FLRT2: variants seen among roughly 807,000 people sequenced by gnomAD.
The protein encoded by FLRT2 is leucine-rich repeat transmembrane protein FLRT2.
In FLRT2, 15 loss-of-function variants were observed where a neutral mutation model predicts 40.0. The observed-to-expected ratio is 0.38, with a 90% CI of 0.25 to 0.58. The LOEUF is 0.58. FLRT2 is among the 20% of genes least tolerant of loss of function. FLRT2 has a pLI of 0.71. For missense variants in FLRT2, 726 were observed against 840.0 expected, an observed-to-expected ratio of 0.86 and a Z score of 1.68; for synonymous variants, 380 against 336.8, an observed-to-expected ratio of 1.13 and a Z score of -1.41.
intron 1 of FLRT2, chr14:85,551,875 T>A (rs1889648764): frequency 6.6e-6 from 1 of 152,154 alleles, no homozygotes; most frequent in Admixed American, 6.5e-5. Flanking sequence ...CACTTCTATA[T>A]CTCCTGTGGT....
Position 85,622,201 on chromosome 14 carries a change from C to T in FLRT2, c.687C>T (p.Leu229=). ...KGIAEGTFSH[L]TKLKEFSIVR... is the part of the protein sequence containing the mutation. ...TCGCCGAGGGCACCTTCAGCCATCT[C>T]ACCAAGCTCAAGGAATTTTCAATTG... The change falls in exon 2 of 2, where the codon CTC becomes CTT. Residue 229 remains leucine, a synonymous_variant. Transcript: ENST00000330753. 1 of 1,614,168 alleles carries T rather than the reference C, an allele frequency of 6.2e-7. No homozygotes were observed. The highest frequency in any genetic ancestry group is 8.5e-7 in the Non-Finnish European group (1 of 1,180,022).
At position 85,637,499 on chromosome 14, in the gene FLRT2, T is replaced by A. The variant is rs1268806464; in HGVS notation, c.*14002T>A. 1 of 152,226 alleles carries A rather than the reference T, an allele frequency of 6.6e-6. No individual in the cohort carries two copies. The highest frequency in any genetic ancestry group is 1.5e-5 in the Non-Finnish European group (1 of 68,044). 9.4% of individuals were successfully genotyped at this position (152,226 alleles called of 1,614,324 possible). ...CTAGCACAGTGTCTAGTATATACAG[T>A]TGCTTTGTTACATTAACTCCATTCA... On this transcript the variant is annotated 3_prime_UTR_variant, in exon 2 of 2. Coordinates refer to ENST00000330753, the MANE Select transcript of FLRT2 (RefSeq NM_013231.6).
chr14:85,637,975 T>C lies in FLRT2; in HGVS notation c.*14478T>C, dbSNP rs1055427760. On this transcript the variant is annotated 3_prime_UTR_variant, in exon 2 of 2. Coordinates refer to ENST00000330753, the MANE Select transcript of FLRT2 (RefSeq NM_013231.6). ...TGCTTGAAATGCCTATCATTATCCT[T>C]ATTCTTTTGATACCAGGCATCACTA... The C allele has an allele frequency of 6.6e-6, 1 of 152,346 alleles. No homozygotes were observed. Among genetic ancestry groups the C allele is most frequent in the African/African-American group, 2.4e-5 (1 of 41,582 alleles). 9.4% of individuals were successfully genotyped at this position (152,346 alleles called of 1,614,324 possible). A position where few individuals can be genotyped will look rare whatever the true frequency, so the allele number is the denominator to read the frequency against.
Position 85,627,267 on chromosome 14 carries a change from T to C in FLRT2, c.*3770T>C, listed in dbSNP as rs1893724975. 1 of 167,020 alleles carries C rather than the reference T, an allele frequency of 6.0e-6. No homozygotes were observed. Among genetic ancestry groups the C allele is most frequent in the South Asian group, 2.1e-4 (1 of 4,820 alleles). The allele number at this position is 167,020 out of a possible 1,614,324, so 10.3% of individuals were successfully genotyped here. ...AGATACTCACACAGAACAAAACAGT[T>C]CTTGGTCTTGTTCTTGGTCTTGTCA... On this transcript the variant is annotated 3_prime_UTR_variant, in exon 2 of 2. Transcript: ENST00000330753.
chr14:85,620,266 ATGAT>A (rs1230480146), intron 1 of FLRT2, among the ~76,000 whole-genome samples: 1 of 151,934 alleles, frequency 6.6e-6, no homozygotes, highest in African/African-American at 2.4e-5. Flanking sequence ...TTTTCTTTGA[ATGAT>A]TGTTTTAAAT....
At chr14:85,541,010 G>A (rs1296211683) in intron 1 of FLRT2, among the ~76,000 whole-genome samples, 4 of 152,070 alleles carry the variant, frequency 2.6e-5, no homozygotes, top group Non-Finnish European at 5.9e-5. Flanking sequence ...TGTACTATGG[G>A]GAGGAAGTAT....
At chr14:85,607,470 G>A (rs1488495951) in intron 1 of FLRT2, among the ~76,000 whole-genome samples, 1 of 152,166 alleles carries the variant, frequency 6.6e-6, no homozygotes, top group Non-Finnish European at 1.5e-5. Flanking sequence ...ATTATTCATT[G>A]AACAGAAAAG....
intron 1 of FLRT2, among the ~76,000 whole-genome samples, chr14:85,569,504 G>C (rs573985832): frequency 6.6e-6 from 1 of 152,252 alleles, no homozygotes; most frequent in South Asian, 2.1e-4. Context: ...ACCCACACTG[G>C]ATGCATTCAA....
intron 1 of FLRT2, among the ~76,000 whole-genome samples, chr14:85,604,929 C>G (rs531739106): frequency 6.6e-6 from 1 of 151,948 alleles, no homozygotes; most frequent in South Asian, 2.1e-4. Flanking sequence ...CTGTTAGTGC[C>G]GACATGATTC....
intron 1 of FLRT2, among the ~76,000 whole-genome samples, chr14:85,602,343 G>A (rs183033281): frequency 6.6e-6 from 1 of 152,260 alleles, no homozygotes; most frequent in Admixed American, 6.5e-5. Context: ...GCTCCGACTT[G>A]GAGTTGTCAC....
chr14:85,579,392 C>T (rs1374163151), intron 1 of FLRT2, among the ~76,000 whole-genome samples: 1 of 152,118 alleles, frequency 6.6e-6, no homozygotes, highest in African/African-American at 2.4e-5. Flanking sequence ...ACAGAGTTAA[C>T]TGTGACAAGT....
chr14:85,608,426 G>A (rs1420214302), intron 1 of FLRT2, among the ~76,000 whole-genome samples: 1 of 151,924 alleles, frequency 6.6e-6, no homozygotes, highest in Non-Finnish European at 1.5e-5. Context: ...TAGAGACTGG[G>A]TTTCGCCATT....
chr14:85,608,366 A>G (rs1012341403), intron 1 of FLRT2, among the ~76,000 whole-genome samples: 25 of 151,782 alleles, frequency 1.6e-4, no homozygotes, highest in African/African-American at 5.8e-4. Flanking sequence ...AGCAGCTGGG[A>G]TTGCAAGAGC....
intron 1 of FLRT2, among the ~76,000 whole-genome samples, chr14:85,605,363 G>A (rs17121299): frequency 0.023 from 3,465 of 152,216 alleles, 138 homozygotes; most frequent in African/African-American, 0.08. Flanking sequence ...CAGATTTTAA[G>A]GCTGATAGAA....
chr14:85,594,067 C>T (rs1461901600), intron 1 of FLRT2, among the ~76,000 whole-genome samples: 2 of 148,068 alleles, frequency 1.4e-5, no homozygotes, highest in Admixed American at 6.8e-5. Flanking sequence ...CAAAACAAAA[C>T]ATATATATAT....
At position 85,626,411 on chromosome 14, in the gene FLRT2, G is replaced by T. The variant is rs939031199; in HGVS notation, c.*2914G>T. 1 of 167,084 alleles carries T rather than the reference G, an allele frequency of 6.0e-6. No homozygotes were observed. Among genetic ancestry groups the T allele is most frequent in the African/African-American group, 2.4e-5 (1 of 41,454 alleles). The allele number at this position is 167,084 out of a possible 1,614,324, so 10.4% of individuals were successfully genotyped here. A position where few individuals can be genotyped will look rare whatever the true frequency, so the allele number is the denominator to read the frequency against. On this transcript the variant is annotated 3_prime_UTR_variant, in exon 2 of 2. Coordinates refer to ENST00000330753, the MANE Select transcript of FLRT2 (RefSeq NM_013231.6). ...AAAGCCATGCTCACTGGCCAATAAA[G>T]AGCTTGATGCTGCCTGGCCAAATGA... is the stretch of plus-strand genomic sequence containing the variant.
intron 1 of FLRT2, among the ~76,000 whole-genome samples, chr14:85,558,381 G>T (rs941736166): frequency 6.6e-6 from 1 of 152,148 alleles, no homozygotes; most frequent in Non-Finnish European, 1.5e-5. Flanking sequence ...GAGTAGGTGG[G>T]AGAGAAGGAG....
chr14:85,556,916 C>T (rs1889998038), intron 1 of FLRT2, among the ~76,000 whole-genome samples: 1 of 152,110 alleles, frequency 6.6e-6, no homozygotes. Flanking sequence ...GCTGGGGAGG[C>T]CTCAGAATCA....
rs4015974 is a variant in FLRT2 at position 85,647,307 on chromosome 14, T to C, written c.*23810T>C. On this transcript the variant is annotated 3_prime_UTR_variant, in exon 2 of 2. Coordinates refer to ENST00000330753, the MANE Select transcript of FLRT2 (RefSeq NM_013231.6). ...ACTAACTTACTTAACAGAGGAGTTT[T>C]GTTTTCTTGTTATCTGTAGCAGAAT... 1 of 152,204 alleles carries C rather than the reference T, an allele frequency of 6.6e-6. No individual in the cohort carries two copies. Among genetic ancestry groups the C allele is most frequent in the Non-Finnish European group, 1.5e-5 (1 of 68,026 alleles). 9.4% of individuals were successfully genotyped at this position (152,204 alleles called of 1,614,324 possible). A position where few individuals can be genotyped will look rare whatever the true frequency, so the allele number is the denominator to read the frequency against.
Sources: allele counts gnomAD v4.1 joint callset (sites outside exome capture counted in the v4.1 genomes callset), GRCh38; gene constraint gnomAD v4.1.1; transcripts MANE v1.5; gene names NCBI Gene and HGNC (gene_info 2026-07-23, HGNC 2026-07-21).